GRIN2A: variants seen among roughly 807,000 people sequenced by gnomAD.
GRIN2A encodes the protein glutamate ionotropic receptor NMDA type subunit 2A.
GRIN2A carries 22 observed loss-of-function variants against 113.4 expected under a neutral mutation model. The ratio of observed to expected loss-of-function variants is 0.19; its 90% CI spans 0.14 to 0.28. The LOEUF (loss-of-function observed/expected upper bound fraction) is 0.28, where lower values mean the gene tolerates loss of function less well. Ranked by LOEUF, GRIN2A falls within the 10% of genes least tolerant of loss-of-function variation. GRIN2A has a pLI of 1.00. For missense variants in GRIN2A, 1,502 were observed against 1,887.0 expected, an observed-to-expected ratio of 0.80 and a Z score of 3.78; for synonymous variants, 827 against 738.4, an observed-to-expected ratio of 1.12 and a Z score of -1.94.
chr16:10,026,844 G>C (rs1025136152), intron 2 of GRIN2A, among the ~76,000 whole-genome samples: 3 of 152,080 alleles, frequency 2.0e-5, no homozygotes, highest in Admixed American at 1.3e-4. Context: ...TCAGGTGAAC[G>C]AACCTCAGGA....
At chr16:10,028,898 G>A (rs776254156) in intron 2 of GRIN2A, among the ~76,000 whole-genome samples, 2 of 152,158 alleles carry the variant, frequency 1.3e-5, no homozygotes, top group African/African-American at 4.8e-5. Flanking sequence ...TTGGGCTGGA[G>A]AACCACAGCT....
chr16:9,942,094 A>G (rs2044894902), intron 2 of GRIN2A, among the ~76,000 whole-genome samples: 1 of 152,196 alleles, frequency 6.6e-6, no homozygotes, highest in Non-Finnish European at 1.5e-5. Flanking sequence ...AATATTTCAC[A>G]TCAGGAGATC....
At chr16:9,878,216 C>T (rs572067981) in intron 4 of GRIN2A, among the ~76,000 whole-genome samples, 8 of 152,240 alleles carry the variant, frequency 5.3e-5, no homozygotes, top group Admixed American at 3.3e-4. Flanking sequence ...AAGAATGTTC[C>T]ATATGACCGA....
chr16:10,023,573 T>G (rs532954958), intron 2 of GRIN2A, among the ~76,000 whole-genome samples: 7 of 152,334 alleles, frequency 4.6e-5, no homozygotes, highest in Admixed American at 3.9e-4. Context: ...AAGTCCTCAT[T>G]AACTGGTGAT....
intron 2 of GRIN2A, among the ~76,000 whole-genome samples, chr16:10,123,236 T>G (rs1036333646): frequency 2.6e-5 from 4 of 152,212 alleles, no homozygotes; most frequent in African/African-American, 9.7e-5. Flanking sequence ...TTGCCAAAAC[T>G]TCCCTTGCAA....
At chr16:10,107,535 C>A (rs56275045) in intron 2 of GRIN2A, among the ~76,000 whole-genome samples, 13,164 of 152,288 alleles carry the variant, frequency 0.086, 724 homozygotes, top group Non-Finnish European at 0.13. Context: ...CCAGGCCAAG[C>A]TAGCAAATAG....
At chr16:9,895,270 C>A (rs1320052728) in intron 3 of GRIN2A, among the ~76,000 whole-genome samples, 1 of 152,098 alleles carries the variant, frequency 6.6e-6, no homozygotes, top group Non-Finnish European at 1.5e-5. Flanking sequence ...TTGGGTTGTG[C>A]TGAGAAGGAA....
intron 2 of GRIN2A, among the ~76,000 whole-genome samples, chr16:10,142,283 G>C (rs1288678288): frequency 2.0e-5 from 3 of 152,224 alleles, no homozygotes; most frequent in African/African-American, 2.4e-5. Flanking sequence ...GCAGCACACA[G>C]AGACTTGCAG....
rs1200624532 is a variant in GRIN2A, at chr16:9,938,371, C to T, written c.595G>A (p.Asp199Asn). The T allele has an allele frequency of 1.2e-6, 2 of 1,614,108 alleles. No homozygotes were observed. Among genetic ancestry groups the T allele is most frequent in the African/African-American group, 2.7e-5 (2 of 75,036 alleles). Residue 199 changes from aspartate to asparagine, a missense_variant, in exon 3 of 13, where the codon GAC becomes AAC. Around this residue, in one of 7 missense-constraint regions of GRIN2A, gnomAD observed 334 missense variants for 403.0 expected, o/e 0.83. Transcript: ENST00000330684. Reference sequence around the variant, plus strand: ...TCCAGTGTGATCACATTCTGCATGTCCCAGCCCACAAAGCTGTTGTCCACT... The same window carrying T: ...TCCAGTGTGATCACATTCTGCATGTTCCAGCCCACAAAGCTGTTGTCCACT... ...TTVDNSFVGW[D>N]MQNVITLDTS...
At chr16:10,074,041 G>A (rs2047818173) in intron 2 of GRIN2A, among the ~76,000 whole-genome samples, 1 of 151,990 alleles carries the variant, frequency 6.6e-6, no homozygotes, top group African/African-American at 2.4e-5. Flanking sequence ...ATAGAAAGGC[G>A]ACTCCGTTTT....
At chr16:10,005,371 C>T (rs837687) in intron 2 of GRIN2A, among the ~76,000 whole-genome samples, 152,083 of 152,340 alleles carry the variant, frequency 1, 75,920 homozygotes, top group Middle Eastern at 1. Flanking sequence ...ATTCCACAAA[C>T]TAACAAACAT....
In GRIN2A at chr16:10,167,054, A is replaced by G. The variant is rs571528844; in HGVS notation, c.414+12944T>C. On this transcript the variant is annotated intron_variant, in intron 2 of 12. Coordinates refer to ENST00000330684, the MANE Select transcript of GRIN2A (RefSeq NM_001134407.3). ...TGGGCTATAGTTTATGGGAATCAAAAGTTATACATGGATTTTAAACTGCAT... is the reference window on the plus strand; with the variant it reads ...TGGGCTATAGTTTATGGGAATCAAAGGTTATACATGGATTTTAAACTGCAT... Among the ~76,000 whole-genome samples the G allele has an allele frequency of 3.3e-5, 5 of 152,354 alleles. No individual in the cohort carries two copies. The East Asian group carries it at 7.7e-4, about 23-fold the overall frequency.
intron 4 of GRIN2A, among the ~76,000 whole-genome samples, chr16:9,851,521 A>G (rs74250849): frequency 0.03 from 4,633 of 152,364 alleles, 69 homozygotes; most frequent in East Asian, 0.055. Flanking sequence ...TGTACGACAT[A>G]GATCAAACCA....
At chr16:9,977,678 T>G (rs1029979309) in intron 2 of GRIN2A, among the ~76,000 whole-genome samples, 2 of 152,076 alleles carry the variant, frequency 1.3e-5, no homozygotes, top group African/African-American at 4.8e-5. Context: ...TATATAAAAG[T>G]GTCCCACTCT....
chr16:10,010,072 TTC>T (rs1271031745), intron 2 of GRIN2A, among the ~76,000 whole-genome samples: 1 of 152,258 alleles, frequency 6.6e-6, no homozygotes, highest in African/African-American at 2.4e-5. Flanking sequence ...CGACTGTGAA[TTC>T]TGTTTGAATT....
At chr16:9,939,050 T>A (rs2044790827) in intron 2 of GRIN2A, among the ~76,000 whole-genome samples, 1 of 151,978 alleles carries the variant, frequency 6.6e-6, no homozygotes, top group South Asian at 2.1e-4. Flanking sequence ...ATTTAAGGAG[T>A]TTGAGTAGGG....
rs534819540 is a variant in GRIN2A at position 9,858,119 on chromosome 16, C to G, written c.1123-8158G>C. On this transcript the variant is annotated intron_variant, in intron 4 of 12. Coordinates refer to ENST00000330684, the MANE Select transcript of GRIN2A (RefSeq NM_001134407.3). ...AATGTGCATGTGACCTAAGCTAAGC[C>G]AATGAGAGTTTTCCCTGGGACTTTT... Among the ~76,000 whole-genome samples the G allele has an allele frequency of 1.4e-4, 21 of 152,300 alleles. No individual in the cohort carries two copies. In the East Asian group the frequency reaches 4.1e-3, roughly 29 times the overall value.
intron 3 of GRIN2A, among the ~76,000 whole-genome samples, chr16:9,897,724 C>G (rs1299917192): frequency 6.6e-6 from 1 of 152,004 alleles, no homozygotes; most frequent in Admixed American, 6.6e-5. Flanking sequence ...AATGGGCTAC[C>G]AGAAAATTTA....
At chr16:9,999,071 G>C (rs546760158) in intron 2 of GRIN2A, among the ~76,000 whole-genome samples, 9 of 152,258 alleles carry the variant, frequency 5.9e-5, no homozygotes, top group Admixed American at 1.3e-4. Context: ...TATTATACAA[G>C]TGTAGTATTT....
Sources: allele counts gnomAD v4.1 joint callset (sites outside exome capture counted in the v4.1 genomes callset), GRCh38; gene constraint gnomAD v4.1.1; regional missense constraint gnomAD v4.1.1; transcripts MANE v1.5; gene names NCBI Gene and HGNC (gene_info 2026-07-23, HGNC 2026-07-21).